The following ATP2B2 variants were observed in gnomAD, a reference collection of about 807,000 sequenced individuals.
The protein encoded by ATP2B2 is plasma membrane calcium-transporting ATPase 2.
Under a neutral mutation model 120.0 loss-of-function variants are expected in ATP2B2, and 15 were observed. The ratio of observed to expected loss-of-function variants is 0.12; its 90% confidence interval spans 0.08 to 0.19. The LOEUF (loss-of-function observed/expected upper bound fraction) is 0.19. ATP2B2 is among the 10% of genes least tolerant of loss of function. The pLI, the probability that ATP2B2 is intolerant of heterozygous loss-of-function variation, is 1.00. For synonymous variants in ATP2B2, 694 were observed against 700.3 expected, an observed-to-expected ratio of 0.99 and a Z score of 0.14; for missense variants, 1,045 against 1,719.8, an observed-to-expected ratio of 0.61 and a Z score of 6.94.
chr3:10,654,814 T>C (rs1362957254), intron 1 of ATP2B2, among the ~76,000 whole-genome samples: 1 of 149,342 alleles, frequency 6.7e-6, no homozygotes, highest in East Asian at 2.0e-4. Flanking sequence ...TGGGGCTCCC[T>C]GGAGAGTCAC....
chr3:10,697,910 G>C (rs1022735516), intron 1 of ATP2B2, among the ~76,000 whole-genome samples: 2 of 152,180 alleles, frequency 1.3e-5, no homozygotes, highest in Admixed American at 1.3e-4. Context: ...GCCTTCAAGG[G>C]ACTTGGGAAG....
chr3:10,610,139 GTA>G lies in ATP2B2; in HGVS notation c.-415+9776_-415+9777del, dbSNP rs57524000. ...TATATGCATAAATATATATATACAT[GTA>G]TATATATATATATATGACAGGAAAA... is the stretch of plus-strand genomic sequence containing the variant. On this transcript the variant is annotated intron_variant, in intron 2 of 21. Transcript: ENST00000646379. Among the ~76,000 whole-genome samples, 251 of 140,338 alleles carry G rather than the reference GTA, an allele frequency of 1.8e-3. 4 individuals are homozygous for G. Among genetic ancestry groups the G allele is most frequent in the Middle Eastern group, 7.8e-3 (2 of 258 alleles). 92.1% of individuals were successfully genotyped at this position (140,338 alleles called of 152,430 possible). A position where few individuals can be genotyped will look rare whatever the true frequency, so the allele number is the denominator to read the frequency against.
chr3:10,549,785 AG>A (rs1266466089), intron 2 of ATP2B2, among the ~76,000 whole-genome samples: 1 of 152,122 alleles, frequency 6.6e-6, no homozygotes, highest in Non-Finnish European at 1.5e-5. Flanking sequence ...CTCTGCCTGC[AG>A]GGAGCTCTCG....
At chr3:10,462,140 C>A (rs2064518650) in intron 1 of ATP2B2, among the ~76,000 whole-genome samples, 1 of 152,206 alleles carries the variant, frequency 6.6e-6, no homozygotes, top group South Asian at 2.1e-4. Context: ...CCCAGACCGA[C>A]CTTTCCACCA....
chr3:10,596,201 C>G (rs2068760583), intron 2 of ATP2B2, among the ~76,000 whole-genome samples: 2 of 152,252 alleles, frequency 1.3e-5, no homozygotes, highest in Admixed American at 1.3e-4. Flanking sequence ...AGCAGAAGAC[C>G]CCAGCCCTTC....
chr3:10,634,018 T>C (rs892609), intron 1 of ATP2B2, among the ~76,000 whole-genome samples: 42,531 of 152,084 alleles, frequency 0.28, 8,730 homozygotes, highest in African/African-American at 0.57. Context: ...GAGAGAGAGA[T>C]GCACAAGGAG....
chr3:10,653,250 AC>A (rs755420535), intron 1 of ATP2B2, among the ~76,000 whole-genome samples: 3 of 151,830 alleles, frequency 2.0e-5, no homozygotes, highest in Non-Finnish European at 4.4e-5. Context: ...GCCACCAATG[AC>A]CCCCCTTTGC....
At chr3:10,575,126 G>T (rs559443833) in intron 2 of ATP2B2, among the ~76,000 whole-genome samples, 5 of 152,164 alleles carry the variant, frequency 3.3e-5, no homozygotes, top group Admixed American at 6.5e-5. Flanking sequence ...CCGCCCGGGG[G>T]AGAAAGCTGA....
At chr3:10,613,441 A>C (rs1004699369) in intron 2 of ATP2B2, among the ~76,000 whole-genome samples, 10 of 152,110 alleles carry the variant, frequency 6.6e-5, no homozygotes, top group Non-Finnish European at 1.2e-4. Flanking sequence ...GGTAGTTGGC[A>C]TCTAAGTGGG....
chr3:10,698,831 C>T (rs1045039962), intron 1 of ATP2B2, among the ~76,000 whole-genome samples: 2 of 152,226 alleles, frequency 1.3e-5, no homozygotes, highest in African/African-American at 4.8e-5. Flanking sequence ...CTTTGCTCCT[C>T]TGTAAAATGG....
intron 2 of ATP2B2, among the ~76,000 whole-genome samples, chr3:10,585,035 C>G (rs944661306): frequency 2.6e-5 from 4 of 152,138 alleles, no homozygotes; most frequent in Non-Finnish European, 5.9e-5. Context: ...CTGCCACACC[C>G]AGGTCCAAGC....
intron 3 of ATP2B2, among the ~76,000 whole-genome samples, chr3:10,404,641 T>C (rs1204770540): frequency 6.6e-6 from 1 of 152,202 alleles, no homozygotes; most frequent in Non-Finnish European, 1.5e-5. Context: ...TATGAAGCCC[T>C]GAGGCCCACA....
At chr3:10,479,070 C>T (rs1049082342) in intron 1 of ATP2B2, among the ~76,000 whole-genome samples, 2 of 149,642 alleles carry the variant, frequency 1.3e-5, no homozygotes, top group African/African-American at 4.9e-5. Context: ...CCAAGAGGAA[C>T]TGTGAGTCAA....
intron 1 of ATP2B2, among the ~76,000 whole-genome samples, chr3:10,623,064 T>TA (rs2069595976): frequency 7.0e-6 from 1 of 142,224 alleles, no homozygotes; most frequent in Non-Finnish European, 1.5e-5. Flanking sequence ...CTTTTTTTTT[T>TA]TTTTTTTTTT....
intron 2 of ATP2B2, among the ~76,000 whole-genome samples, chr3:10,448,264 C>T (rs370527054): frequency 5.3e-5 from 8 of 152,230 alleles, no homozygotes; most frequent in Admixed American, 3.9e-4. Flanking sequence ...ACTTTGAGCA[C>T]CTACTGTATG....
chr3:10,525,395 A>G (rs1427740417), intron 3 of ATP2B2, among the ~76,000 whole-genome samples: 1 of 152,252 alleles, frequency 6.6e-6, no homozygotes, highest in Non-Finnish European at 1.5e-5. Flanking sequence ...TAGATTTACA[A>G]AAAAATTCCT....
intron 2 of ATP2B2, among the ~76,000 whole-genome samples, chr3:10,561,324 G>A (rs141549594): frequency 6.6e-6 from 1 of 152,202 alleles, no homozygotes; most frequent in Non-Finnish European, 1.5e-5. Flanking sequence ...AGTGGGACGA[G>A]GTGGGGCACA....
intron 1 of ATP2B2, among the ~76,000 whole-genome samples, chr3:10,457,710 A>G (rs116037552): frequency 2.8e-3 from 427 of 152,296 alleles, no homozygotes; most frequent in African/African-American, 9.9e-3. Flanking sequence ...AGAAGAGAGA[A>G]CAGGGAAAGA....
At chr3:10,687,918 T>C (rs1218416648) in intron 1 of ATP2B2, among the ~76,000 whole-genome samples, 1 of 152,160 alleles carries the variant, frequency 6.6e-6, no homozygotes, top group Admixed American at 6.5e-5. Context: ...AGTTATTAGC[T>C]GGGTGACCTT....
Sources: gnomAD v4.1 joint callset for allele counts (sites outside exome capture counted in the v4.1 genomes callset) on GRCh38, gnomAD v4.1.1 for gene constraint, MANE v1.5 for transcripts, NCBI Gene and HGNC (gene_info 2026-07-23, HGNC 2026-07-21) for gene names.